Variants in SLC8A3 observed in about 807,000 individuals in gnomAD.
SLC8A3 encodes the protein solute carrier family 8 member A3, also known as sodium/calcium exchanger 3.
A neutral mutation model predicts 65.4 loss-of-function variants in SLC8A3; 37 were observed. The observed-to-expected ratio is 0.57, with a 90% CI of 0.44 to 0.74. The LOEUF is 0.74. Among genes scored for constraint, SLC8A3 ranks in the 30% least tolerant of loss-of-function variants. The pLI is 0.00. For synonymous variants in SLC8A3, 461 were observed against 444.5 expected (o/e 1.04, Z -0.47); for missense variants, 1,112 against 1,172.1 (o/e 0.95, Z 0.75).
chr14:70,119,112 G>A (rs760564108), intron 2 of SLC8A3, among the ~76,000 whole-genome samples: 1 of 152,020 alleles, frequency 6.6e-6, no homozygotes, highest in Non-Finnish European at 1.5e-5. Flanking sequence ...TTTTTGAGGG[G>A]GATTGGGGGA....
chr14:70,075,495 C>T (rs1225935428), intron 2 of SLC8A3, among the ~76,000 whole-genome samples: 1 of 152,178 alleles, frequency 6.6e-6, no homozygotes, highest in Non-Finnish European at 1.5e-5. Flanking sequence ...CCAGTTTTCT[C>T]TGGCCTTCAC....
chr14:70,174,180 G>A (rs752798137), intron 1 of SLC8A3, among the ~76,000 whole-genome samples: 1 of 152,320 alleles, frequency 6.6e-6, no homozygotes, highest in East Asian at 1.9e-4. Context: ...GCGCCCCTTC[G>A]AGCAAAGGCT....
chr14:70,115,489 T>G (rs1238593714), intron 2 of SLC8A3, among the ~76,000 whole-genome samples: 2 of 152,218 alleles, frequency 1.3e-5, no homozygotes, highest in African/African-American at 4.8e-5. Context: ...TTTACAAAGT[T>G]ATTATAAAGA....
At chr14:70,170,618 A>G (rs1053003681) in intron 1 of SLC8A3, among the ~76,000 whole-genome samples, 6 of 152,226 alleles carry the variant, frequency 3.9e-5, no homozygotes, top group African/African-American at 1.4e-4. Context: ...TTGGAAATAC[A>G]TATACATTTC....
At chr14:70,136,585 C>A (rs565169213) in intron 2 of SLC8A3, among the ~76,000 whole-genome samples, 17 of 152,302 alleles carry the variant, frequency 1.1e-4, no homozygotes, top group Admixed American at 5.2e-4. Context: ...GTTCTTCCAG[C>A]CCTTCATGTG....
At chr14:70,130,314 C>A (rs66884428) in intron 2 of SLC8A3, among the ~76,000 whole-genome samples, 1 of 152,206 alleles carries the variant, frequency 6.6e-6, no homozygotes, top group Non-Finnish European at 1.5e-5. Flanking sequence ...GCTGACCAAC[C>A]TGTTCCCGCC....
At chr14:70,084,804 G>A (rs1364415929) in intron 2 of SLC8A3, among the ~76,000 whole-genome samples, 1 of 152,164 alleles carries the variant, frequency 6.6e-6, no homozygotes, top group African/African-American at 2.4e-5. Context: ...GGTCTGAAGA[G>A]CTCTAGGTCT....
intron 2 of SLC8A3, among the ~76,000 whole-genome samples, chr14:70,084,180 C>T (rs1183845103): frequency 1.3e-5 from 2 of 152,188 alleles, no homozygotes; most frequent in African/African-American, 4.8e-5. Flanking sequence ...ATATTAATCA[C>T]TAAATCTGTT....
intron 2 of SLC8A3, among the ~76,000 whole-genome samples, chr14:70,066,613 C>A (rs554630034): frequency 2.4e-4 from 36 of 152,260 alleles, no homozygotes; most frequent in Non-Finnish European, 4.6e-4. Flanking sequence ...GAGCTCAAGA[C>A]CAGCCTGACC....
At chr14:70,184,599 C>T (rs1054670975) in intron 1 of SLC8A3, among the ~76,000 whole-genome samples, 6 of 152,208 alleles carry the variant, frequency 3.9e-5, no homozygotes, top group Non-Finnish European at 8.8e-5. Context: ...GCTGTCCCTA[C>T]AAGTCCTCAT....
intron 2 of SLC8A3, among the ~76,000 whole-genome samples, chr14:70,162,356 G>A (rs1281227803): frequency 6.6e-6 from 1 of 152,094 alleles, no homozygotes; most frequent in African/African-American, 2.4e-5. Context: ...ATGTAATCTT[G>A]GATAAGTTAC....
upstream of SLC8A3, chr14:70,189,053 A>G (rs1328278568): frequency 6.6e-6 from 1 of 152,218 alleles, no homozygotes; most frequent in Non-Finnish European, 1.5e-5. Context: ...TCACCCTATC[A>G]GCTGGGAGAC....
rs1244486501 is a variant in SLC8A3, at chr14:70,187,767, T to C, written c.-63+612A>G. Among the ~76,000 whole-genome samples the C allele has an allele frequency of 5.3e-5, 8 of 151,866 alleles. No individual in the cohort carries two copies. In the East Asian group the frequency reaches 1.5e-3, roughly 29 times the overall value. ...TGCAGCACTGGAGAAACCCTCCTTC[T>C]CCCTCGCCCCCTTGGCCCCAGCGGT... On this transcript the variant is annotated intron_variant, in intron 1 of 6. Coordinates refer to ENST00000356921, the MANE Select transcript of SLC8A3 (RefSeq NM_182932.3).
chr14:70,144,318 T>G (rs1234730332), intron 2 of SLC8A3, among the ~76,000 whole-genome samples: 25 of 142,274 alleles, frequency 1.8e-4, no homozygotes, highest in East Asian at 1.5e-3. Flanking sequence ...GTTTTTTTTT[T>G]TTTTTTTTTT....
intron 2 of SLC8A3, among the ~76,000 whole-genome samples, chr14:70,136,849 A>T (rs1307674852): frequency 6.6e-6 from 1 of 152,254 alleles, no homozygotes; most frequent in Non-Finnish European, 1.5e-5. Flanking sequence ...GTCTGGGAAG[A>T]GTTGGTTGAC....
intron 2 of SLC8A3, among the ~76,000 whole-genome samples, chr14:70,067,687 C>T (rs1889588469): frequency 6.6e-6 from 1 of 152,208 alleles, no homozygotes; most frequent in African/African-American, 2.4e-5. Flanking sequence ...CGAGGATTTT[C>T]AGTGGGACAA....
chr14:70,116,749 G>T (rs1466819560), intron 2 of SLC8A3, among the ~76,000 whole-genome samples: 3 of 152,170 alleles, frequency 2.0e-5, no homozygotes, highest in Non-Finnish European at 4.4e-5. Flanking sequence ...GCTGGCACTT[G>T]CACAGAAGGT....
Position 70,144,031 on chromosome 14 carries a change from T to C in SLC8A3, c.1784+22608A>G, listed in dbSNP as rs538774793. Among the ~76,000 whole-genome samples, 4 of 152,238 alleles carry C rather than the reference T, an allele frequency of 2.6e-5. No homozygotes were observed. The South Asian group carries it at 8.3e-4, about 32-fold the overall frequency. On this transcript the variant is annotated intron_variant, in intron 2 of 6. Coordinates refer to ENST00000356921, the MANE Select transcript of SLC8A3 (RefSeq NM_182932.3). ...TACTGATCTCATGGCTTCATCTCTATCTGTTTCTGAGTCCGTCTCCTCCAC... is the reference window on the plus strand; with the variant it reads ...TACTGATCTCATGGCTTCATCTCTACCTGTTTCTGAGTCCGTCTCCTCCAC...
chr14:70,083,845 G>A (rs1891234668), intron 2 of SLC8A3, among the ~76,000 whole-genome samples: 1 of 152,164 alleles, frequency 6.6e-6, no homozygotes, highest in Non-Finnish European at 1.5e-5. Flanking sequence ...ATTCCTCTCT[G>A]TCTTTGAGCA....
Sources: allele counts gnomAD v4.1 joint callset (sites outside exome capture counted in the v4.1 genomes callset), GRCh38; gene constraint gnomAD v4.1.1; transcripts MANE v1.5; gene names NCBI Gene and HGNC (gene_info 2026-07-23, HGNC 2026-07-21).